Variants in RPS6KC1 observed in about 807,000 individuals in gnomAD.
The protein encoded by RPS6KC1 is inactive ribosomal protein S6 kinase delta-1.
A neutral mutation model predicts 103.8 loss-of-function variants in RPS6KC1; 54 were observed. That is an observed-to-expected ratio of 0.52 (90% confidence interval 0.42 to 0.65). The LOEUF is 0.65. Among genes scored for constraint, RPS6KC1 ranks in the 30% least tolerant of loss-of-function variants. RPS6KC1 has a pLI of 0.00. For synonymous variants in RPS6KC1, 439 were observed against 438.7 expected, an observed-to-expected ratio of 1.00 and a Z score of -0.01; for missense variants, 1,151 against 1,253.8, an observed-to-expected ratio of 0.92 and a Z score of 1.24.
the RPS6KC1 span, among the ~76,000 whole-genome samples, chr1:213,417,567 G>A: frequency 6.6e-6 from 1 of 152,116 alleles, no homozygotes; most frequent in African/African-American, 2.4e-5. Flanking sequence ...GGGTGCGGCT[G>A]GAGGGAGGCA....
the RPS6KC1 span, among the ~76,000 whole-genome samples, chr1:213,812,965 G>T: frequency 1.3e-5 from 2 of 152,112 alleles, no homozygotes; most frequent in African/African-American, 2.4e-5. Flanking sequence ...TATGGCTAAA[G>T]ATGTCGGCCG....
At chr1:213,531,235 C>A in the RPS6KC1 span, among the ~76,000 whole-genome samples, 13 of 152,174 alleles carry the variant, frequency 8.5e-5, no homozygotes, top group East Asian at 7.7e-4. Context: ...CCCGCTGCAA[C>A]TGTTCTTGAA....
chr1:213,792,004 C>T, the RPS6KC1 span, among the ~76,000 whole-genome samples: 18 of 152,300 alleles, frequency 1.2e-4, no homozygotes, highest in Non-Finnish European at 2.5e-4. Context: ...ACCTATGAGA[C>T]GCATTGAAGC....
intron 8 of RPS6KC1, among the ~76,000 whole-genome samples, chr1:213,206,863 A>C (rs1275515073): frequency 1.3e-5 from 2 of 152,196 alleles, no homozygotes; most frequent in Non-Finnish European, 2.9e-5. Context: ...CTGTAACCCC[A>C]GCACTTTGGG....
chr1:213,476,864 G>A, the RPS6KC1 span, among the ~76,000 whole-genome samples: 1 of 152,242 alleles, frequency 6.6e-6, no homozygotes, highest in African/African-American at 2.4e-5. Flanking sequence ...GCAGTTTGCT[G>A]TAAGAGACAG....
chr1:213,365,827 C>A, the RPS6KC1 span, among the ~76,000 whole-genome samples: 4,707 of 152,338 alleles, frequency 0.031, 259 homozygotes, highest in African/African-American at 0.11. Context: ...CATATGCACT[C>A]TGTCCTAACT....
chr1:213,809,792 A>G, the RPS6KC1 span, among the ~76,000 whole-genome samples: 2 of 152,226 alleles, frequency 1.3e-5, no homozygotes, highest in African/African-American at 4.8e-5. Flanking sequence ...TGCTGTAAAT[A>G]GACAGCATAA....
the RPS6KC1 span, among the ~76,000 whole-genome samples, chr1:213,543,775 T>G: frequency 6.6e-6 from 1 of 152,226 alleles, no homozygotes; most frequent in East Asian, 1.9e-4. Context: ...ATGTATAAGT[T>G]ACTTCAGGGT....
chr1:213,311,046 A>C, the RPS6KC1 span, among the ~76,000 whole-genome samples: 1 of 151,934 alleles, frequency 6.6e-6, no homozygotes, highest in Non-Finnish European at 1.5e-5. Flanking sequence ...CAGGGTTAGG[A>C]GGGTGCTGGG....
chr1:213,378,762 G>A, the RPS6KC1 span, among the ~76,000 whole-genome samples: 1 of 152,192 alleles, frequency 6.6e-6, no homozygotes, highest in Non-Finnish European at 1.5e-5. Flanking sequence ...ATCCTGCCAA[G>A]CAAGAGCAGT....
chr1:213,533,776 C>A, the RPS6KC1 span, among the ~76,000 whole-genome samples: 1 of 152,326 alleles, frequency 6.6e-6, no homozygotes, highest in South Asian at 2.1e-4. Context: ...ACATGTGGGG[C>A]TGCTCTGTTT....
the RPS6KC1 span, among the ~76,000 whole-genome samples, chr1:213,745,025 G>T: frequency 6.6e-6 from 1 of 152,200 alleles, no homozygotes; most frequent in Non-Finnish European, 1.5e-5. Context: ...AAACACGCTG[G>T]CAGTGGTGTC....
intron 6 of RPS6KC1, among the ~76,000 whole-genome samples, chr1:213,157,373 A>AT (rs1294220442): frequency 2.0e-5 from 3 of 151,714 alleles, no homozygotes; most frequent in Non-Finnish European, 4.4e-5. Flanking sequence ...TGTCCGGCTA[A>AT]TTTTTTTATG....
chr1:213,801,118 G>A, the RPS6KC1 span, among the ~76,000 whole-genome samples: 1 of 152,124 alleles, frequency 6.6e-6, no homozygotes. Flanking sequence ...TCATCACCTG[G>A]CTTTTCTCTG....
intron 2 of RPS6KC1, among the ~76,000 whole-genome samples, chr1:213,075,020 T>G (rs928160970): frequency 6.6e-6 from 1 of 151,620 alleles, no homozygotes; most frequent in Non-Finnish European, 1.5e-5. Flanking sequence ...TCCAGCTAAT[T>G]TTTTGTATTT....
the RPS6KC1 span, among the ~76,000 whole-genome samples, chr1:213,830,643 A>G: frequency 6.6e-6 from 1 of 151,784 alleles, no homozygotes; most frequent in South Asian, 2.1e-4. Flanking sequence ...CTTTTAAATG[A>G]CAATAGAAAG....
At chr1:213,514,728 C>A in the RPS6KC1 span, among the ~76,000 whole-genome samples, 3 of 152,134 alleles carry the variant, frequency 2.0e-5, no homozygotes, top group Non-Finnish European at 2.9e-5. Flanking sequence ...GTTTTATAAT[C>A]CTTTGGGTAT....
At chr1:213,522,802 C>CTTAA in the RPS6KC1 span, among the ~76,000 whole-genome samples, 1 of 152,202 alleles carries the variant, frequency 6.6e-6, no homozygotes. Flanking sequence ...CAAGACTTGG[C>CTTAA]TTAAGAGAGT....
chr1:213,115,038 G>C (rs964498666), intron 4 of RPS6KC1, among the ~76,000 whole-genome samples: 1 of 152,178 alleles, frequency 6.6e-6, no homozygotes, highest in Non-Finnish European at 1.5e-5. Flanking sequence ...TCTCTGCCCA[G>C]CTTTGGTATC....
Sources: gnomAD v4.1 joint callset for allele counts (sites outside exome capture counted in the v4.1 genomes callset) on GRCh38, gnomAD v4.1.1 for gene constraint, MANE v1.5 for transcripts, NCBI Gene and HGNC (gene_info 2026-07-23, HGNC 2026-07-21) for gene names.